SLAMF9: variants seen among roughly 807,000 people sequenced by gnomAD.
SLAMF9 encodes SLAM family member 9, also known as CD2 family member 10.
In SLAMF9, 25 loss-of-function variants were observed where a neutral mutation model predicts 30.4. The ratio of observed to expected loss-of-function variants is 0.82; its 90% CI spans 0.60 to 1.15. The LOEUF (loss-of-function observed/expected upper bound fraction) is 1.15, where lower values mean the gene tolerates loss of function less well. SLAMF9 is among the 50% of genes most tolerant of loss of function. SLAMF9 has a pLI of 0.00. For missense variants in SLAMF9, 344 were observed against 346.1 expected (o/e 0.99, Z 0.05); for synonymous variants, 129 against 127.2 (o/e 1.01, Z -0.09).
chr1:159,978,266 A>T, the SLAMF9 span, among the ~76,000 whole-genome samples: 1 of 152,090 alleles, frequency 6.6e-6, no homozygotes, highest in South Asian at 2.1e-4. Flanking sequence ...GCAGGACAAG[A>T]CTTAGGGGTG....
the SLAMF9 span, among the ~76,000 whole-genome samples, chr1:159,973,509 G>A: frequency 2.6e-5 from 4 of 152,190 alleles, no homozygotes; most frequent in South Asian, 2.1e-4. Flanking sequence ...GGGGGCCTTC[G>A]AGGTCCTCTA....
At chr1:159,977,000 A>G in the SLAMF9 span, 11 of 107,298 alleles carry the variant, frequency 1.0e-4, no homozygotes, top group Non-Finnish European at 2.1e-5. Flanking sequence ...GAAAGAAAGA[A>G]AGAAAGAGAA....
At chr1:159,963,029 G>C in the SLAMF9 span, among the ~76,000 whole-genome samples, 1 of 152,224 alleles carries the variant, frequency 6.6e-6, no homozygotes, top group Non-Finnish European at 1.5e-5. Flanking sequence ...TTTAGAAGGA[G>C]ATGGTGGGTG....
chr1:159,972,867 C>T, the SLAMF9 span: 46 of 979,020 alleles, frequency 4.7e-5, no homozygotes, highest in East Asian at 6.3e-4. Flanking sequence ...ATGGGAGGCT[C>T]AGCCTGACCA....
chr1:159,968,555 T>G, the SLAMF9 span, among the ~76,000 whole-genome samples: 116 of 152,352 alleles, frequency 7.6e-4, no homozygotes, highest in Non-Finnish European at 1.5e-3. Flanking sequence ...CTCTTCTCTC[T>G]TGGTCAAATC....
chr1:159,951,851 G>A lies in SLAMF9; in HGVS notation c.680C>T (p.Ser227Phe), dbSNP rs755306107. ...GCAGAAGGCTGTTGAAGGCTTCTCA[G>A]AAGCATAGTTAGGATCTGGGGTGGA... ...GPFYADPNYA[S>F]EKPSTAFCLL... Residue 227 changes from serine (S) to phenylalanine (F), a missense_variant, in exon 4 of 4, where the codon TCT (serine) becomes TTT (phenylalanine). Ser to Phe is a radical substitution (Grantham distance 155). Transcript: ENST00000368093. The A allele has an allele frequency of 1.9e-6, 3 of 1,614,022 alleles. No individual in the cohort carries two copies. The African/African-American group carries it at 4.0e-5, about 22-fold the overall frequency.
chr1:159,971,969 A>G, the SLAMF9 span, among the ~76,000 whole-genome samples: 1 of 152,136 alleles, frequency 6.6e-6, no homozygotes, highest in African/African-American at 2.4e-5. Flanking sequence ...CTTGTCTGTA[A>G]GGCCACAGAG....
the SLAMF9 span, among the ~76,000 whole-genome samples, chr1:159,977,916 A>G: frequency 6.6e-6 from 1 of 152,164 alleles, no homozygotes; most frequent in African/African-American, 2.4e-5. Context: ...GGGACCTGCC[A>G]TGGGGAAAAG....
At chr1:159,968,779 G>A in the SLAMF9 span, among the ~76,000 whole-genome samples, 125,220 of 152,182 alleles carry the variant, frequency 0.82, 52,615 homozygotes, top group East Asian at 0.99. Flanking sequence ...GCCCAGGCAC[G>A]GTGGCTCACG....
intron 2 of SLAMF9, 38 bp from the exon 3 acceptor site, chr1:159,952,572 C>A: frequency 6.2e-7 from 1 of 1,602,964 alleles, no homozygotes; most frequent in South Asian, 1.1e-5. Context: ...TCTAAACAAT[C>A]AGGGATCGGG....
At chr1:159,965,097 A>G in the SLAMF9 span, among the ~76,000 whole-genome samples, 8 of 152,324 alleles carry the variant, frequency 5.3e-5, no homozygotes, top group South Asian at 1.5e-3. Context: ...TCATCCTACA[A>G]TTATTTATCA....
At chr1:159,957,073 G>C (rs1344079268), upstream of SLAMF9, among the ~76,000 whole-genome samples, 6 of 121,464 alleles carry the variant, frequency 4.9e-5, no homozygotes, top group Admixed American at 1.2e-4. Flanking sequence ...AGTGAGCCGA[G>C]ATCGTGCCAC....
rs748863364 is a variant in SLAMF9, at chr1:159,952,464, CA to C, written c.461del (p.Leu154ArgfsTer12). The C allele has an allele frequency of 7.4e-6, 12 of 1,614,086 alleles. No individual in the cohort carries two copies. The East Asian group carries it at 2.7e-4, about 36-fold the overall frequency. On this transcript the variant is annotated frameshift_variant, in exon 3 of 4. Transcript: ENST00000368093. LOFTEE classifies it high-confidence loss of function. ...TGCCTGCCTTCTCCACAGAGCACAC[CA>C]GGGACATACTGCAGGCACCTTCCCC... The part of the protein sequence containing the change: ...SSGEGACSMS[L>X]VCSVEKAGMD...
chr1:159,952,145 G>T (rs1457994775), intron 3 of SLAMF9, 117 bp downstream of exon 3: 8 of 1,218,700 alleles, frequency 6.6e-6, no homozygotes, highest in Non-Finnish European at 9.3e-6. Flanking sequence ...AAGCCTCCAT[G>T]GGAGGGGGTT....
the SLAMF9 span, among the ~76,000 whole-genome samples, chr1:159,966,490 T>TG: frequency 6.6e-6 from 1 of 152,238 alleles, no homozygotes; most frequent in Admixed American, 6.5e-5. Flanking sequence ...AGAAGTGGGA[T>TG]AGTTGGATCA....
Position 159,951,789 on chromosome 1 carries a change from C to A in SLAMF9, c.742G>T (p.Val248Leu), listed in dbSNP as rs769833755. 1 of 1,614,124 alleles carries A rather than the reference C, an allele frequency of 6.2e-7. No homozygotes were observed. Among genetic ancestry groups the A allele is most frequent in the South Asian group, 1.1e-5 (1 of 91,082 alleles). ...AKGLLIFLLL[V>L]ILAMGLWVIR... ...ACCCAGAGTCCCATGGCCAGAATTA[C>A]CAAGAGCAAGAAGATGAGCAATCCC... is the stretch of plus-strand genomic sequence containing the variant. The change falls in exon 4 of 4, where the codon GTA (valine) becomes TTA (leucine). Residue 248 changes from valine to leucine, a missense_variant. By Grantham distance (32) the Val-to-Leu change is conservative (BLOSUM62 1). Transcript: ENST00000368093.
At chr1:159,964,501 C>T in the SLAMF9 span, among the ~76,000 whole-genome samples, 1 of 152,142 alleles carries the variant, frequency 6.6e-6, no homozygotes, top group Admixed American at 6.5e-5. Flanking sequence ...ACAGGGAGTT[C>T]TGATGCAGAA....
At chr1:159,973,042 C>T in the SLAMF9 span, 2 of 1,427,712 alleles carry the variant, frequency 1.4e-6, no homozygotes, top group African/African-American at 3.0e-5. Context: ...TGGACCTGGC[C>T]ACCCTCGGGG....
At chr1:159,967,959 T>A in the SLAMF9 span, among the ~76,000 whole-genome samples, 1 of 152,224 alleles carries the variant, frequency 6.6e-6, no homozygotes, top group South Asian at 2.1e-4. Context: ...TTTTGTATCC[T>A]GCAACTTTAT....
Sources: gnomAD v4.1 joint callset for allele counts (sites outside exome capture counted in the v4.1 genomes callset) on GRCh38, gnomAD v4.1.1 for gene constraint, MANE v1.5 for transcripts, NCBI Gene and HGNC (gene_info 2026-07-23, HGNC 2026-07-21) for gene names.